Variants in ANKRD31 observed in about 807,000 individuals in gnomAD.
ANKRD31 encodes ankyrin repeat domain-containing protein 31.
In ANKRD31, 147 loss-of-function variants were observed where a neutral mutation model predicts 186.0. The ratio of observed to expected loss-of-function variants is 0.79; its 90% CI spans 0.69 to 0.91. The LOEUF (loss-of-function observed/expected upper bound fraction) is 0.91. Ranked by LOEUF, ANKRD31 falls within the 40% of genes least tolerant of loss-of-function variation. The probability of loss-of-function intolerance (pLI) is 0.00; values close to 1 mark genes in which losing one functional copy is unlikely to be tolerated. For missense variants in ANKRD31, 1,986 were observed against 2,148.8 expected, an observed-to-expected ratio of 0.92 and a Z score of 1.50; for synonymous variants, 673 against 736.4, an observed-to-expected ratio of 0.91 and a Z score of 1.39.
chr5:75,210,881 A>G lies in ANKRD31; in HGVS notation c.289-16T>C, dbSNP rs112046279. Reference sequence around the variant, plus strand: ...CATCTTGAGACTGCTAGGAAAAAAAAAAGTTTTTTCCAACTGATAAGTGTT... The same window carrying G: ...CATCTTGAGACTGCTAGGAAAAAAAGAAGTTTTTTCCAACTGATAAGTGTT... On this transcript the variant is annotated splice_polypyrimidine_tract_variant and intron_variant, in intron 3 of 25. Coordinates refer to ENST00000506364, the MANE Select transcript of ANKRD31 (RefSeq NM_001372053.1). 6.6e-7 allele frequency: 1 copy of G among 1,505,302 alleles called. No individual in the cohort carries two copies. Among genetic ancestry groups the G allele is most frequent in the Admixed American group, 2.3e-5 (1 of 43,292 alleles). The allele number at this position is 1,505,302 out of a possible 1,614,324, so 93.2% of individuals were successfully genotyped here.
intron 20 of ANKRD31, among the ~76,000 whole-genome samples, chr5:75,108,688 A>C (rs1747529818): frequency 6.6e-6 from 1 of 152,242 alleles, no homozygotes; most frequent in South Asian, 2.1e-4. Flanking sequence ...GTAAGTATTG[A>C]GTCAGTGTCC....
chr5:75,192,889 G>C, intron 8 of ANKRD31, 113 bp from the exon 9 acceptor site: 2 of 812,946 alleles, frequency 2.5e-6, no homozygotes, highest in Non-Finnish European at 3.7e-6. Flanking sequence ...TTACTGAGCT[G>C]TTCTCAAGTG....
At chr5:75,171,228 A>C (rs1236041511) in intron 10 of ANKRD31, among the ~76,000 whole-genome samples, 3 of 152,098 alleles carry the variant, frequency 2.0e-5, no homozygotes, top group Non-Finnish European at 4.4e-5. Flanking sequence ...GCAATAATCA[A>C]TTCTCAATAA....
At chr5:75,124,114 A>T (rs2150094952) in intron 17 of ANKRD31, among the ~76,000 whole-genome samples, 2 of 152,290 alleles carry the variant, frequency 1.3e-5, no homozygotes, top group South Asian at 4.1e-4. Context: ...CCCCATTAAA[A>T]AACTGGCAAA....
Position 75,199,615 on chromosome 5 carries a change from T to C in ANKRD31, c.447+16A>G, listed in dbSNP as rs1164357718. On this transcript the variant is annotated intron_variant, in intron 6 of 25. Coordinates refer to ENST00000506364, the MANE Select transcript of ANKRD31 (RefSeq NM_001372053.1). ...ACTCACAGTCTACATAGTTAATTTC[T>C]GTTATACAGACCAACCTTTTCTATG... The C allele has an allele frequency of 1.3e-6, 2 of 1,522,770 alleles. No individual in the cohort carries two copies. The highest frequency in any genetic ancestry group is 5.0e-5 in the East Asian group (2 of 40,030). The allele number at this position is 1,522,770 out of a possible 1,614,324, so 94.3% of individuals were successfully genotyped here. A position where few individuals can be genotyped will look rare whatever the true frequency, so the allele number is the denominator to read the frequency against.
At position 75,147,187 on chromosome 5, in the gene ANKRD31, C is replaced by T. The variant is rs1751507963; in HGVS notation, c.2224G>A (p.Asp742Asn). 1 of 1,536,174 alleles carries T rather than the reference C, an allele frequency of 6.5e-7. No homozygotes were observed. Among genetic ancestry groups the T allele is most frequent in the South Asian group, 1.2e-5 (1 of 84,032 alleles). Residue 742 changes from aspartate (D) to asparagine (N), a missense_variant, in exon 14 of 26, where the codon GAT (aspartate) becomes AAT (asparagine). Asp to Asn is a conservative substitution (Grantham distance 23). Coordinates refer to ENST00000506364, the MANE Select transcript of ANKRD31 (RefSeq NM_001372053.1). Reference sequence around the variant, plus strand: ...ATCTTTCTTGGATTACAGTCTACATCATCTACTTGGGTCCTTTTATGTTGT... The same window carrying T: ...ATCTTTCTTGGATTACAGTCTACATTATCTACTTGGGTCCTTTTATGTTGT... ...KTQHKRTQVD[D>N]VDCNPRKILA...
At chr5:75,130,065 T>C (rs905874726) in intron 17 of ANKRD31, among the ~76,000 whole-genome samples, 1 of 152,192 alleles carries the variant, frequency 6.6e-6, no homozygotes, top group African/African-American at 2.4e-5. Flanking sequence ...CCAGAGTTTG[T>C]TCCTTCTGAT....
intron 10 of ANKRD31, among the ~76,000 whole-genome samples, chr5:75,173,050 T>G (rs954065319): frequency 2.0e-5 from 3 of 152,126 alleles, no homozygotes; most frequent in Non-Finnish European, 4.4e-5. Flanking sequence ...TGATCAAGTG[T>G]GCTTCATCAC....
intron 3 of ANKRD31, among the ~76,000 whole-genome samples, chr5:75,212,887 G>A (rs1255072364): frequency 1.3e-5 from 2 of 152,132 alleles, no homozygotes; most frequent in African/African-American, 4.8e-5. Context: ...AAAGCCATTA[G>A]GCTGAACTTG....
rs1428348897 is a variant in ANKRD31, at chr5:75,188,667, C to T, written c.1409-19G>A. The T allele has an allele frequency of 4.0e-6, 6 of 1,502,206 alleles. No individual in the cohort carries two copies. The highest frequency in any genetic ancestry group is 4.4e-6 in the Non-Finnish European group (5 of 1,130,680). The allele number at this position is 1,502,206 out of a possible 1,614,324, so 93.1% of individuals were successfully genotyped here. On this transcript the variant is annotated intron_variant, in intron 9 of 25. Coordinates refer to ENST00000506364, the MANE Select transcript of ANKRD31 (RefSeq NM_001372053.1). ...ATTTTTTCTGAAATGAGGGAATGAA[C>T]AAAAGAAAAAAATCATTATTTGAAT...
At chr5:75,077,794 A>G (rs542118794) in intron 25 of ANKRD31, among the ~76,000 whole-genome samples, 50 of 152,094 alleles carry the variant, frequency 3.3e-4, no homozygotes, top group African/African-American at 9.6e-4. Context: ...GCGTGGTGGC[A>G]GGTGCCTGTA....
intron 23 of ANKRD31, among the ~76,000 whole-genome samples, chr5:75,088,968 C>G (rs905401966): frequency 1.3e-5 from 2 of 152,252 alleles, no homozygotes; most frequent in Admixed American, 6.5e-5. Context: ...ATTAATCATT[C>G]TTACTGAGGC....
intron 22 of ANKRD31, among the ~76,000 whole-genome samples, chr5:75,099,015 C>G (rs1376382636): frequency 6.6e-6 from 1 of 152,134 alleles, no homozygotes; most frequent in Non-Finnish European, 1.5e-5. Flanking sequence ...TGCCAGTTTT[C>G]AAAGGGAATG....
chr5:75,072,741 C>T (rs185611362), intron 25 of ANKRD31, among the ~76,000 whole-genome samples: 37 of 152,210 alleles, frequency 2.4e-4, no homozygotes, highest in East Asian at 1.9e-4. Context: ...TATTTAAGCA[C>T]GTAGAGGATC....
chr5:75,212,105 T>C (rs113918288), intron 3 of ANKRD31, among the ~76,000 whole-genome samples: 274 of 152,326 alleles, frequency 1.8e-3, no homozygotes, highest in African/African-American at 5.7e-3. Flanking sequence ...AGTTTTATAG[T>C]TTTGGCTCTT....
intron 12 of ANKRD31, among the ~76,000 whole-genome samples, chr5:75,152,288 G>T (rs1289652612): frequency 6.6e-6 from 1 of 152,052 alleles, no homozygotes; most frequent in African/African-American, 2.4e-5. Flanking sequence ...AACAGCCACA[G>T]CTGTATTATT....
intron 9 of ANKRD31, among the ~76,000 whole-genome samples, 162 bp from the exon 10 acceptor site, chr5:75,188,810 C>T (rs1754910189): frequency 6.6e-6 from 1 of 152,042 alleles, no homozygotes; most frequent in Admixed American, 6.6e-5. Flanking sequence ...GAATATTCAT[C>T]CATTAACCCA....
At chr5:75,098,284 G>T (rs912630582) in intron 22 of ANKRD31, among the ~76,000 whole-genome samples, 2 of 152,074 alleles carry the variant, frequency 1.3e-5, no homozygotes, top group African/African-American at 4.8e-5. Flanking sequence ...ACCGTGCCCG[G>T]CCTATATCTC....
Position 75,169,114 on chromosome 5 carries a change from T to A in ANKRD31, c.1572A>T (p.Thr524=). 1 of 1,536,192 alleles carries A rather than the reference T, an allele frequency of 6.5e-7. No homozygotes were observed. The highest frequency in any genetic ancestry group is 8.7e-7 in the Non-Finnish European group (1 of 1,145,950). ...NVNQPSYAGW[T]ALHEASVGGF... is the part of the protein sequence containing the mutation. ...CTCCTACACTAGCTTCATGAAGTGC[T>A]GTCCAACCTATCATACAAAAAGATA... is the stretch of plus-strand genomic sequence containing the variant. Residue 524 remains threonine, a synonymous_variant, in exon 11 of 26, where the codon ACA becomes ACT. Coordinates refer to ENST00000506364, the MANE Select transcript of ANKRD31 (RefSeq NM_001372053.1).
Sources: gnomAD v4.1 joint callset for allele counts (sites outside exome capture counted in the v4.1 genomes callset) on GRCh38, gnomAD v4.1.1 for gene constraint, MANE v1.5 for transcripts, NCBI Gene and HGNC (gene_info 2026-07-23, HGNC 2026-07-21) for gene names.